SPAM1: variants seen among roughly 807,000 people sequenced by gnomAD.
SPAM1 encodes sperm adhesion molecule 1, also known as hyaluronidase PH-20.
Under a neutral mutation model 29.6 loss-of-function variants are expected in SPAM1, and 22 were observed. The observed-to-expected ratio is 0.74, with a 90% CI of 0.53 to 1.06. The LOEUF is 1.06. Among genes scored for constraint, SPAM1 ranks in the 50% least tolerant of loss-of-function variants. The probability of loss-of-function intolerance (pLI) is 0.00; values close to 1 mark genes in which losing one functional copy is unlikely to be tolerated. For missense variants in SPAM1, 534 were observed against 604.0 expected, an observed-to-expected ratio of 0.88 and a Z score of 1.21; for synonymous variants, 194 against 204.6, an observed-to-expected ratio of 0.95 and a Z score of 0.44.
chr7:123,941,615 C>T (rs780963834), intron 1 of SPAM1, among the ~76,000 whole-genome samples: 20 of 152,114 alleles, frequency 1.3e-4, no homozygotes, highest in Non-Finnish European at 2.5e-4. Flanking sequence ...AAGGAATTCC[C>T]TTGTGGGCAA....
intron 2 of SPAM1, among the ~76,000 whole-genome samples, chr7:123,952,223 T>C (rs1792112324): frequency 6.6e-6 from 1 of 152,158 alleles, no homozygotes; most frequent in Non-Finnish European, 1.5e-5. Flanking sequence ...GAAAATTCAT[T>C]ATCTTCAAAA....
At chr7:123,928,925 ACTAAATTTG>A (rs1449039152) in intron 1 of SPAM1, among the ~76,000 whole-genome samples, 1 of 152,080 alleles carries the variant, frequency 6.6e-6, no homozygotes, top group Non-Finnish European at 1.5e-5. Context: ...TTTTATAAAG[ACTAAATTTG>A]CAAAGCAAGG....
intron 1 of SPAM1, among the ~76,000 whole-genome samples, chr7:123,931,297 A>G (rs1174121202): frequency 6.6e-6 from 1 of 152,236 alleles, no homozygotes; most frequent in South Asian, 2.1e-4. Flanking sequence ...TCCAAAAGTC[A>G]GCCATAAAAC....
exon 7 of SPAM1, chr7:123,971,341 TA>T (rs1216677370): frequency 1.3e-5 from 2 of 152,140 alleles, no homozygotes; most frequent in Non-Finnish European, 2.9e-5. Context: ...GCAATATGCT[TA>T]AAAATTGGGG....
chr7:123,964,699 G>T (rs1396194387), downstream of SPAM1, among the ~76,000 whole-genome samples: 3 of 151,844 alleles, frequency 2.0e-5, no homozygotes, highest in Non-Finnish European at 4.4e-5. Flanking sequence ...ACCACATGCG[G>T]CACTACTAGG....
intron 1 of SPAM1, among the ~76,000 whole-genome samples, chr7:123,933,117 A>C (rs940577591): frequency 2.6e-5 from 4 of 151,610 alleles, no homozygotes; most frequent in African/African-American, 7.3e-5. Flanking sequence ...GGTTTGTTAC[A>C]TAGGTATACA....
At chr7:123,934,694 T>G (rs921545489) in intron 1 of SPAM1, among the ~76,000 whole-genome samples, 1 of 152,142 alleles carries the variant, frequency 6.6e-6, no homozygotes, top group Admixed American at 6.6e-5. Flanking sequence ...TGCTACAACA[T>G]GGATGAGCCT....
intron 5 of SPAM1, among the ~76,000 whole-genome samples, chr7:123,967,553 A>G (rs1364745713): frequency 4.6e-5 from 7 of 151,812 alleles, no homozygotes; most frequent in Non-Finnish European, 7.4e-5. Flanking sequence ...AGTAGACTCC[A>G]ATATAGTATT....
intron 1 of SPAM1, among the ~76,000 whole-genome samples, chr7:123,945,504 G>C (rs1161122362): frequency 1.3e-5 from 2 of 152,052 alleles, no homozygotes; most frequent in East Asian, 3.9e-4. Context: ...GGTAATCTTT[G>C]GTACCCTCTA....
chr7:123,932,265 G>A (rs1050041595), intron 1 of SPAM1: 1 of 152,268 alleles, frequency 6.6e-6, no homozygotes, highest in African/African-American at 2.4e-5. Flanking sequence ...CACCTATTTT[G>A]TTGTGCTTCC....
intron 1 of SPAM1, among the ~76,000 whole-genome samples, chr7:123,948,230 C>G (rs1026332886): frequency 1.3e-5 from 2 of 152,082 alleles, no homozygotes; most frequent in Admixed American, 6.6e-5. Context: ...TTACGCTGGT[C>G]TCTTAAAAGT....
intron 1 of SPAM1, among the ~76,000 whole-genome samples, chr7:123,939,939 A>G (rs1241984219): frequency 6.6e-6 from 1 of 152,090 alleles, no homozygotes; most frequent in Non-Finnish European, 1.5e-5. Flanking sequence ...GTAATTTTCT[A>G]TCCTGCTGAT....
At chr7:123,939,854 C>T (rs1315637395) in intron 1 of SPAM1, among the ~76,000 whole-genome samples, 1 of 152,064 alleles carries the variant, frequency 6.6e-6, no homozygotes, top group Non-Finnish European at 1.5e-5. Context: ...GTCTGATCAC[C>T]CCGGCCAGCC....
At chr7:123,945,654 T>G (rs749740169) in intron 1 of SPAM1, among the ~76,000 whole-genome samples, 3 of 152,172 alleles carry the variant, frequency 2.0e-5, no homozygotes, top group Non-Finnish European at 2.9e-5. Context: ...TCTGAGTTCT[T>G]TAGGGGGTTT....
At chr7:123,934,886 A>G (rs1284810253) in intron 1 of SPAM1, among the ~76,000 whole-genome samples, 1 of 152,138 alleles carries the variant, frequency 6.6e-6, no homozygotes, top group Non-Finnish European at 1.5e-5. Context: ...AAATTACAGC[A>G]TGACAGGAGG....
chr7:123,930,035 T>C (rs1808022886), intron 1 of SPAM1, among the ~76,000 whole-genome samples: 1 of 151,626 alleles, frequency 6.6e-6, no homozygotes, highest in Non-Finnish European at 1.5e-5. Context: ...AGGTCAGGGA[T>C]AGTTTGGAAT....
chr7:123,949,989 T>C lies in SPAM1; in HGVS notation c.-207+6T>C, dbSNP rs1808707510. On this transcript the variant is annotated splice_donor_region_variant and intron_variant, in intron 2 of 4. Coordinates refer to ENST00000682466, the MANE Select transcript of SPAM1 (RefSeq NM_153189.3). The stretch of plus-strand genomic sequence containing the variant: ...TTTTGAAAGCAGACTTCTGGGTAAG[T>C]GTCATTGTTTGGGTTTGGGGGATAG... 6.6e-6 allele frequency: 1 copy of C among 152,072 alleles called. No homozygotes were observed. Among genetic ancestry groups the C allele is most frequent in the South Asian group, 2.1e-4 (1 of 4,824 alleles). The allele number at this position is 152,072 out of a possible 1,614,324, so 9.4% of individuals were successfully genotyped here.
intron 1 of SPAM1, among the ~76,000 whole-genome samples, chr7:123,933,227 C>T (rs1023795569): frequency 2.6e-5 from 4 of 151,820 alleles, no homozygotes; most frequent in African/African-American, 7.3e-5. Flanking sequence ...TCCTTGCCCC[C>T]GACCCCTGAC....
intron 1 of SPAM1, among the ~76,000 whole-genome samples, chr7:123,935,550 G>T (rs767446588): frequency 6.6e-6 from 1 of 152,082 alleles, no homozygotes; most frequent in East Asian, 1.9e-4. Context: ...AGTAGTTTAG[G>T]TATTTACAGA....
Sources: gnomAD v4.1 joint callset for allele counts (sites outside exome capture counted in the v4.1 genomes callset) on GRCh38, gnomAD v4.1.1 for gene constraint, MANE v1.5 for transcripts, NCBI Gene and HGNC (gene_info 2026-07-23, HGNC 2026-07-21) for gene names.